Variants in WWOX observed in about 807,000 individuals in gnomAD.
The protein encoded by WWOX is WW domain-containing oxidoreductase.
WWOX carries 69 observed loss-of-function variants against 46.2 expected under a neutral mutation model. The ratio of observed to expected loss-of-function variants is 1.49; its 90% CI spans 1.23 to 1.82. The LOEUF (loss-of-function observed/expected upper bound fraction) is 1.82. WWOX is among the 40% of genes most tolerant of loss of function. WWOX has a pLI of 0.00. For missense variants in WWOX, 919 were observed against 542.6 expected (o/e 1.69, Z -6.89); for synonymous variants, 359 against 202.6 (o/e 1.77, Z -6.56).
intron 8 of WWOX, among the ~76,000 whole-genome samples, chr16:79,188,390 G>T (rs446684): frequency 1.3e-5 from 2 of 152,034 alleles, no homozygotes; most frequent in African/African-American, 4.8e-5. Flanking sequence ...CTCTTTTTTC[G>T]GTAACTGTGT....
chr16:78,824,510 T>C (rs552635854), intron 8 of WWOX, among the ~76,000 whole-genome samples: 161 of 152,254 alleles, frequency 1.1e-3, no homozygotes, highest in African/African-American at 3.3e-3. Flanking sequence ...AGTTTGTTTT[T>C]CACGCTGCTG....
intron 8 of WWOX, among the ~76,000 whole-genome samples, chr16:79,158,285 C>G (rs1050592951): frequency 2.0e-5 from 3 of 152,248 alleles, no homozygotes; most frequent in African/African-American, 7.2e-5. Context: ...AACCACATTT[C>G]AAGAAAAAGA....
chr16:78,990,949 C>T (rs911564047), intron 8 of WWOX, among the ~76,000 whole-genome samples: 1 of 152,236 alleles, frequency 6.6e-6, no homozygotes, highest in East Asian at 1.9e-4. Context: ...GAACCGACCT[C>T]CAGGGGAGCT....
intron 8 of WWOX, among the ~76,000 whole-genome samples, chr16:79,017,871 C>G (rs1175505730): frequency 6.6e-6 from 1 of 152,126 alleles, no homozygotes; most frequent in African/African-American, 2.4e-5. Flanking sequence ...GTCCTGTGGA[C>G]TGTAGTTTGC....
At chr16:78,986,472 T>G (rs963138483) in intron 8 of WWOX, among the ~76,000 whole-genome samples, 3 of 152,196 alleles carry the variant, frequency 2.0e-5, no homozygotes, top group Non-Finnish European at 2.9e-5. Flanking sequence ...CTGTGCTGAT[T>G]GTACCACTCT....
At chr16:78,972,078 A>G (rs1207723989) in intron 8 of WWOX, among the ~76,000 whole-genome samples, 1 of 152,130 alleles carries the variant, frequency 6.6e-6, no homozygotes, top group Non-Finnish European at 1.5e-5. Flanking sequence ...CTCCCCGTAT[A>G]CCCAGCAGCC....
rs556669250 is a variant in WWOX at position 78,394,631 on chromosome 16, G to A, written c.605+7683G>A. Among the ~76,000 whole-genome samples, 15 of 152,266 alleles carry A rather than the reference G, an allele frequency of 9.9e-5. 1 individual carries two copies. In the South Asian group the frequency reaches 2.7e-3, roughly 27 times the overall value. ...CAGAGGTAGGTAAACTTCTTGTAAG[G>A]GGCCAGAGAGTGAATATTTGAGAAT... On this transcript the variant is annotated intron_variant, in intron 6 of 8. Transcript: ENST00000566780.
chr16:78,705,402 A>G (rs1468757229), intron 8 of WWOX, among the ~76,000 whole-genome samples: 1 of 152,198 alleles, frequency 6.6e-6, no homozygotes, highest in Non-Finnish European at 1.5e-5. Flanking sequence ...GAATATAAAA[A>G]CAAGCCAAGG....
chr16:78,332,781 A>G (rs2080791779), intron 5 of WWOX, among the ~76,000 whole-genome samples: 1 of 152,110 alleles, frequency 6.6e-6, no homozygotes, highest in Non-Finnish European at 1.5e-5. Context: ...TCAGAACTTT[A>G]CTAACATGGG....
intron 8 of WWOX, among the ~76,000 whole-genome samples, chr16:78,635,811 C>T (rs920053210): frequency 2.0e-5 from 3 of 152,104 alleles, no homozygotes; most frequent in South Asian, 2.1e-4. Flanking sequence ...TAGTGGAAGG[C>T]GTGCCCAAAT....
chr16:78,575,832 A>T (rs939546550), intron 8 of WWOX, among the ~76,000 whole-genome samples: 1 of 152,220 alleles, frequency 6.6e-6, no homozygotes, highest in Non-Finnish European at 1.5e-5. Flanking sequence ...GAAAATGCCT[A>T]GATAAATACT....
At chr16:78,205,707 C>G (rs1348326842) in intron 5 of WWOX, among the ~76,000 whole-genome samples, 1 of 152,080 alleles carries the variant, frequency 6.6e-6, no homozygotes, top group African/African-American at 2.4e-5. Context: ...ATTCATCTAT[C>G]CATCCATGCA....
chr16:78,184,672 C>G (rs776089014), intron 5 of WWOX, among the ~76,000 whole-genome samples: 15 of 152,004 alleles, frequency 9.9e-5, no homozygotes, highest in Admixed American at 1.3e-4. Flanking sequence ...AGTAAAAACA[C>G]TGTTCGGTTT....
chr16:78,829,501 AT>A lies in WWOX; in HGVS notation c.1057-382106del, dbSNP rs200206173. ...CCTCACAGACACACACTCAGAAATAATGGTTAGTCAGATATCTGGGCACTGT... is the reference window on the plus strand; with the variant it reads ...CCTCACAGACACACACTCAGAAATAAGGTTAGTCAGATATCTGGGCACTGT... On this transcript the variant is annotated intron_variant, in intron 8 of 8. Coordinates refer to ENST00000566780, the MANE Select transcript of WWOX (RefSeq NM_016373.4). Among the ~76,000 whole-genome samples the A allele has an allele frequency of 5.2e-3, 792 of 152,288 alleles. 3 individuals are homozygous for A. The highest frequency in any genetic ancestry group is 0.018 in the African/African-American group (748 of 41,568).
intron 8 of WWOX, among the ~76,000 whole-genome samples, chr16:78,641,383 TGTA>T (rs1454280182): frequency 2.0e-5 from 3 of 152,090 alleles, no homozygotes; most frequent in Non-Finnish European, 2.9e-5. Context: ...TTGCTGCACT[TGTA>T]GTGTCAGGGT....
chr16:79,131,930 C>G (rs1283088574), intron 8 of WWOX, among the ~76,000 whole-genome samples: 2 of 152,044 alleles, frequency 1.3e-5, no homozygotes, highest in African/African-American at 4.8e-5. Context: ...CAGGGAAACC[C>G]CTGTTTTTAA....
At chr16:78,363,270 G>A (rs1175604201) in intron 5 of WWOX, among the ~76,000 whole-genome samples, 2 of 151,026 alleles carry the variant, frequency 1.3e-5, no homozygotes. Flanking sequence ...CAAGTTTGGG[G>A]CATTTTTGAG....
At chr16:78,630,917 T>C (rs1001121280) in intron 8 of WWOX, among the ~76,000 whole-genome samples, 2 of 152,200 alleles carry the variant, frequency 1.3e-5, no homozygotes, top group Non-Finnish European at 2.9e-5. Flanking sequence ...ATTTAACTAA[T>C]GACAGATTAA....
chr16:78,300,043 T>G (rs2080012828), intron 5 of WWOX, among the ~76,000 whole-genome samples: 1 of 152,200 alleles, frequency 6.6e-6, no homozygotes, highest in African/African-American at 2.4e-5. Flanking sequence ...TACAGATTGC[T>G]GCATCTTATA....
Sources: gnomAD v4.1 joint callset for allele counts (sites outside exome capture counted in the v4.1 genomes callset) on GRCh38, gnomAD v4.1.1 for gene constraint, MANE v1.5 for transcripts, NCBI Gene and HGNC (gene_info 2026-07-23, HGNC 2026-07-21) for gene names.